The following TANC1 variants were observed in gnomAD, a reference collection of about 807,000 sequenced individuals.
The protein encoded by TANC1 is tetratricopeptide repeat, ankyrin repeat and coiled-coil containing 1, also known as protein TANC1.
In TANC1, 77 loss-of-function variants were observed where a neutral mutation model predicts 149.7. The observed-to-expected ratio is 0.51, with a 90% confidence interval of 0.43 to 0.62. The LOEUF (loss-of-function observed/expected upper bound fraction) is 0.62, where lower values mean the gene tolerates loss of function less well. Ranked by LOEUF, TANC1 falls within the 20% of genes least tolerant of loss-of-function variation. TANC1 has a pLI of 0.00. For missense variants in TANC1, 1,985 were observed against 2,321.8 expected, an observed-to-expected ratio of 0.85 and a Z score of 2.98; for synonymous variants, 854 against 925.0, an observed-to-expected ratio of 0.92 and a Z score of 1.39.
chr2:159,199,035 A>T lies in TANC1; in HGVS notation c.3226A>T (p.Thr1076Ser). ...EHEVEVNGTD[T>S]LWGETALTAA... The stretch of plus-strand genomic sequence containing the variant: ...TGAAGTAGAAGTCAATGGCACCGAC[A>T]CATTGTGGGGAGAAACAGGTAATTA... Residue 1076 changes from threonine (T) to serine (S), a missense_variant, in exon 19 of 27, where the codon ACA (threonine) becomes TCA (serine). Physicochemically the swap from Thr to Ser is moderately conservative, Grantham distance 58. Transcript: ENST00000263635. The T allele has an allele frequency of 6.2e-7, 1 of 1,614,002 alleles. No individual in the cohort carries two copies. Among genetic ancestry groups the T allele is most frequent in the South Asian group, 1.1e-5 (1 of 91,080 alleles).
chr2:159,207,697 C>CAGAAAAAA (rs2058704545), intron 19 of TANC1, among the ~76,000 whole-genome samples: 1 of 49,434 alleles, frequency 2.0e-5, no homozygotes, highest in Non-Finnish European at 3.0e-5. Flanking sequence ...ACACGTGTCT[C>CAGAAAAAA]AAAAAAAAAA....
At chr2:159,175,399 A>T (rs2055739715) in intron 12 of TANC1, among the ~76,000 whole-genome samples, 1 of 152,126 alleles carries the variant, frequency 6.6e-6, no homozygotes, top group Non-Finnish European at 1.5e-5. Flanking sequence ...TAAAAGAAGC[A>T]CCCTGATAAG....
At position 159,106,821 on chromosome 2, in the gene TANC1, C is replaced by T. The variant is rs150883810; in HGVS notation, c.259+8987C>T. On this transcript the variant is annotated intron_variant, in intron 4 of 26. Coordinates refer to ENST00000263635, the MANE Select transcript of TANC1 (RefSeq NM_033394.3). ...GGTTTCCAATTGCTTCATATCCTTG[C>T]CAATGCTTGTATTGTCTTTTTTATT... Among the ~76,000 whole-genome samples, 26 of 152,274 alleles carry T rather than the reference C, an allele frequency of 1.7e-4. 2 individuals carry two copies. The highest frequency in any genetic ancestry group is 6.3e-4 in the African/African-American group (26 of 41,554).
intron 7 of TANC1, among the ~76,000 whole-genome samples, chr2:159,151,201 AT>A (rs2052769494): frequency 6.6e-6 from 1 of 152,200 alleles, no homozygotes; most frequent in Non-Finnish European, 1.5e-5. Flanking sequence ...ATCATTAAGG[AT>A]TTTGATTAAT....
intron 16 of TANC1, among the ~76,000 whole-genome samples, chr2:159,188,506 G>C (rs914268040): frequency 6.6e-6 from 1 of 152,230 alleles, no homozygotes; most frequent in Non-Finnish European, 1.5e-5. Flanking sequence ...CATAGGACTG[G>C]TGGCCAGCCG....
Position 159,196,747 on chromosome 2 carries a change from C to T in TANC1, c.3119C>T (p.Ala1040Val), listed in dbSNP as rs2057883343. 2 of 1,613,646 alleles carry T rather than the reference C, an allele frequency of 1.2e-6. No homozygotes were observed. ...PQPGTLRKSH[A>V]LQQALTAAAS... ...CCAGGCACCCTGAGGAAGAGCCACG[C>T]CCTGCAGCAGGCGCTGACCGCGGCG... Residue 1040 changes from alanine (A) to valine (V), a missense_variant, in exon 18 of 27, where the codon GCC (alanine) becomes GTC (valine). Ala to Val is a moderately conservative substitution (Grantham distance 64). Around this residue, in one of 3 missense-constraint regions of TANC1, gnomAD observed 508 missense variants for 714.2 expected, o/e 0.71. Coordinates refer to ENST00000263635, the MANE Select transcript of TANC1 (RefSeq NM_033394.3).
At chr2:159,136,648 C>A (rs1021023516) in intron 5 of TANC1, among the ~76,000 whole-genome samples, 4 of 152,090 alleles carry the variant, frequency 2.6e-5, no homozygotes, top group African/African-American at 4.8e-5. Flanking sequence ...GAAAATTCAA[C>A]AACAGGCTTT....
chr2:159,139,904 CAGGTATAGAGG>C (rs1236210589), intron 5 of TANC1, among the ~76,000 whole-genome samples: 1 of 151,992 alleles, frequency 6.6e-6, no homozygotes, highest in African/African-American at 2.4e-5. Context: ...GATGGTCAGA[CAGGTATAGAGG>C]ATTAAAGAGG....
chr2:159,226,174 G>GAA (rs746702521), intron 24 of TANC1: 103 of 167,466 alleles, frequency 6.2e-4, no homozygotes, highest in South Asian at 1.2e-3. Flanking sequence ...AGTCTCAGAA[G>GAA]AAAAAAAAAA....
At chr2:159,142,761 T>G (rs2051512411) in intron 5 of TANC1, among the ~76,000 whole-genome samples, 2 of 151,404 alleles carry the variant, frequency 1.3e-5, no homozygotes, top group Non-Finnish European at 2.9e-5. Flanking sequence ...AGCCTGGCAC[T>G]TCAATAGAAA....
intron 2 of TANC1, among the ~76,000 whole-genome samples, chr2:159,025,298 G>A (rs2039237402): frequency 9.4e-6 from 1 of 106,054 alleles, no homozygotes; most frequent in African/African-American, 3.7e-5. Context: ...TTCTTTTCTT[G>A]TGGTAAGTGT....
At chr2:159,112,573 T>C (rs978513087) in intron 4 of TANC1, among the ~76,000 whole-genome samples, 11 of 141,940 alleles carry the variant, frequency 7.7e-5, no homozygotes, top group African/African-American at 2.4e-4. Flanking sequence ...TTTTTTTTTT[T>C]CTCGTTTTCC....
At chr2:159,154,992 A>T (rs62171106) in intron 7 of TANC1, among the ~76,000 whole-genome samples, 1 of 152,160 alleles carries the variant, frequency 6.6e-6, no homozygotes, top group African/African-American at 2.4e-5. Context: ...CTTGCTTCCA[A>T]CTGTTACAAA....
intron 11 of TANC1, among the ~76,000 whole-genome samples, chr2:159,173,261 A>G (rs62171126): frequency 0.029 from 4,404 of 152,310 alleles, 86 homozygotes; most frequent in Non-Finnish European, 0.046. Context: ...ATATCCTATA[A>G]TACACTCTAG....
rs767221094 is a variant in TANC1, at chr2:159,230,400, T to C, written c.4974T>C (p.Ala1658=). 9.3e-6 allele frequency: 15 copies of C among 1,614,118 alleles called. No individual in the cohort carries two copies. The highest frequency in any genetic ancestry group is 1.3e-5 in the Non-Finnish European group (15 of 1,180,002). Residue 1658 remains alanine, a synonymous_variant, in exon 27 of 27, where the codon GCT becomes GCC. Coordinates refer to ENST00000263635, the MANE Select transcript of TANC1 (RefSeq NM_033394.3). The surrounding 1 kb of genome is among the most constrained non-coding windows in gnomAD (Gnocchi z 4.4). ...CCTGCAGCGACGTGCGACACCCAGC[T>C]TCCCTCACCAGCTCAGGCTCTTCTG... The part of the protein sequence containing the change: ...LATCSDVRHP[A]SLTSSGSSGS...
At chr2:159,053,210 G>A (rs1051530466) in intron 2 of TANC1, among the ~76,000 whole-genome samples, 1 of 151,028 alleles carries the variant, frequency 6.6e-6, no homozygotes, top group African/African-American at 2.4e-5. Context: ...TGGAGCTCTG[G>A]TATTCCCCTT....
intron 19 of TANC1, among the ~76,000 whole-genome samples, chr2:159,202,595 C>G (rs2058324342): frequency 6.6e-6 from 1 of 152,138 alleles, no homozygotes; most frequent in Non-Finnish European, 1.5e-5. Flanking sequence ...TCCTCCCCAC[C>G]CTCAAACAAA....
At chr2:159,126,972 G>T (rs1170641302) in intron 4 of TANC1, among the ~76,000 whole-genome samples, 1 of 152,226 alleles carries the variant, frequency 6.6e-6, no homozygotes, top group African/African-American at 2.4e-5. Flanking sequence ...ATGACAGATT[G>T]CACTGGAAGA....
intron 2 of TANC1, among the ~76,000 whole-genome samples, chr2:159,049,596 T>TA (rs919963303): frequency 1.3e-5 from 2 of 152,170 alleles, no homozygotes; most frequent in African/African-American, 4.8e-5. Context: ...GTTACAGGTT[T>TA]CAGCCTGAAG....
Sources: gnomAD v4.1 joint callset for allele counts (sites outside exome capture counted in the v4.1 genomes callset) on GRCh38, gnomAD v4.1.1 for gene constraint, gnomAD v4.1.1 regional missense constraint, Gnocchi (gnomAD v3.1) non-coding constraint, MANE v1.5 for transcripts, NCBI Gene and HGNC (gene_info 2026-07-23, HGNC 2026-07-21) for gene names.